Variants in CPE observed in about 807,000 individuals in gnomAD.
CPE encodes the protein carboxypeptidase E.
CPE carries 17 observed loss-of-function variants against 53.5 expected under a neutral mutation model. That is an observed-to-expected ratio of 0.32 (90% CI 0.22 to 0.48). The LOEUF is 0.48. Among genes scored for constraint, CPE ranks in the 20% least tolerant of loss-of-function variants. The pLI is 0.99. For missense variants in CPE, 524 were observed against 614.7 expected, an observed-to-expected ratio of 0.85 and a Z score of 1.56; for synonymous variants, 226 against 228.8, an observed-to-expected ratio of 0.99 and a Z score of 0.11.
chr4:165,424,700 A>AT (rs1032312058), intron 1 of CPE, among the ~76,000 whole-genome samples: 24 of 151,280 alleles, frequency 1.6e-4, no homozygotes, highest in African/African-American at 5.6e-4. Flanking sequence ...CGCCCGGCTA[A>AT]TTTTTTTGTA....
At chr4:165,448,293 A>G (rs1731749854) in intron 1 of CPE, among the ~76,000 whole-genome samples, 2 of 152,220 alleles carry the variant, frequency 1.3e-5, no homozygotes, top group Non-Finnish European at 2.9e-5. Flanking sequence ...GTTACCACTT[A>G]TTGACCGTTA....
intron 1 of CPE, among the ~76,000 whole-genome samples, chr4:165,420,198 T>C (rs1246255422): frequency 6.6e-6 from 1 of 152,174 alleles, no homozygotes; most frequent in Non-Finnish European, 1.5e-5. Flanking sequence ...CTTCATATCA[T>C]GTTATCACTT....
chr4:165,387,243 T>G (rs1407856079), intron 1 of CPE, among the ~76,000 whole-genome samples: 5 of 152,174 alleles, frequency 3.3e-5, no homozygotes, highest in African/African-American at 4.8e-5. Context: ...AAGGGTAGGG[T>G]GGCACATGTG....
chr4:165,493,352 C>T (rs561973521), intron 7 of CPE, 82 bp downstream of exon 7: 26 of 995,046 alleles, frequency 2.6e-5, no homozygotes, highest in Non-Finnish European at 4.0e-5. Context: ...GTCTTATGTT[C>T]TTCTAAGCAA....
At chr4:165,394,812 A>G (rs890108415) in intron 1 of CPE, among the ~76,000 whole-genome samples, 7 of 152,178 alleles carry the variant, frequency 4.6e-5, no homozygotes, top group Non-Finnish European at 1.0e-4. Context: ...CAATTTCTCA[A>G]AGGACTTTAT....
intron 1 of CPE, among the ~76,000 whole-genome samples, chr4:165,438,965 T>C (rs779959645): frequency 3.3e-5 from 5 of 152,184 alleles, no homozygotes; most frequent in African/African-American, 4.8e-5. Flanking sequence ...GAAATGCAGA[T>C]TTGGTGCAAA....
rs193118404 is a variant in CPE at position 165,482,265 on chromosome 4, C to A, written c.696C>A (p.Val232=). ...NTKLAPETKA[V]IHWIMDIPFV... ...AGCTTGCTCCTGAGACCAAGGCTGT[C>A]ATTCATTGGATTATGGATATTCCTT... The change falls in exon 4 of 9, where the codon GTC becomes GTA. Residue 232 remains valine, a synonymous_variant. Transcript: ENST00000402744. 350 of 1,613,520 alleles carry A rather than the reference C, an allele frequency of 2.2e-4. 3 individuals carry two copies. In the East Asian group the frequency reaches 5.8e-3, roughly 27 times the overall value.
In CPE at chr4:165,452,578, G is replaced by A. The variant is rs572625813; in HGVS notation, c.308-11812G>A. On this transcript the variant is annotated intron_variant, in intron 1 of 8. Coordinates refer to ENST00000402744, the MANE Select transcript of CPE (RefSeq NM_001873.4). ...AAATCTTTGTACATTTTTGTGATTT[G>A]TTTTTTGGGTTTTTTTTGCAAATGT... Among the ~76,000 whole-genome samples, 11 of 152,010 alleles carry A rather than the reference G, an allele frequency of 7.2e-5. No homozygotes were observed. In the South Asian group the frequency reaches 1.0e-3, roughly 14 times the overall value.
chr4:165,413,586 C>A (rs970213749), intron 1 of CPE, among the ~76,000 whole-genome samples: 1 of 152,160 alleles, frequency 6.6e-6, no homozygotes, highest in African/African-American at 2.4e-5. Flanking sequence ...AGTTACTTAA[C>A]TTTTCTGAGC....
At chr4:165,485,156 G>C (rs1732486366) in intron 5 of CPE, among the ~76,000 whole-genome samples, 1 of 152,154 alleles carries the variant, frequency 6.6e-6, no homozygotes. Flanking sequence ...TGCCATGTGG[G>C]ACAGCAGCTG....
chr4:165,456,188 CAA>C (rs1237309421), intron 1 of CPE, among the ~76,000 whole-genome samples: 1 of 152,082 alleles, frequency 6.6e-6, no homozygotes. Flanking sequence ...TTATTGCTGA[CAA>C]ATATTTTAGA....
intron 3 of CPE, among the ~76,000 whole-genome samples, chr4:165,478,697 A>G (rs1356589643): frequency 6.6e-6 from 1 of 152,224 alleles, no homozygotes; most frequent in Non-Finnish European, 1.5e-5. Flanking sequence ...ACCTGTAAAT[A>G]TATGGTGCAT....
chr4:165,427,609 T>C (rs1731344044), intron 1 of CPE, among the ~76,000 whole-genome samples: 1 of 152,240 alleles, frequency 6.6e-6, no homozygotes, highest in Non-Finnish European at 1.5e-5. Context: ...TGCATTTTTT[T>C]CCTGAATATT....
chr4:165,429,576 C>T (rs908723125), intron 1 of CPE, among the ~76,000 whole-genome samples: 2 of 151,936 alleles, frequency 1.3e-5, no homozygotes, highest in Non-Finnish European at 2.9e-5. Flanking sequence ...GTGGTGGGCA[C>T]CTGTAGTCCC....
At chr4:165,464,867 C>T (rs1219578096) in intron 2 of CPE, among the ~76,000 whole-genome samples, 1 of 152,112 alleles carries the variant, frequency 6.6e-6, no homozygotes, top group East Asian at 1.9e-4. Context: ...ATTATTCATC[C>T]ATTTTTGTGA....
chr4:165,483,431 A>T (rs571372203), intron 4 of CPE, among the ~76,000 whole-genome samples: 12 of 152,368 alleles, frequency 7.9e-5, no homozygotes, highest in Admixed American at 1.3e-4. Flanking sequence ...TGCTTTTGTG[A>T]ATAGTGCTGC....
At chr4:165,461,910 G>A (rs542802276) in intron 1 of CPE, among the ~76,000 whole-genome samples, 226 of 152,328 alleles carry the variant, frequency 1.5e-3, no homozygotes, top group African/African-American at 5.2e-3. Flanking sequence ...GAAGGAGTTA[G>A]AGATACACTT....
chr4:165,494,221 T>A (rs930038485), intron 7 of CPE, among the ~76,000 whole-genome samples: 1 of 152,110 alleles, frequency 6.6e-6, no homozygotes, highest in Non-Finnish European at 1.5e-5. Context: ...GCTGAGAGGG[T>A]GAAACCCAGC....
chr4:165,447,876 C>G (rs1192988884), intron 1 of CPE, among the ~76,000 whole-genome samples: 1 of 152,040 alleles, frequency 6.6e-6, no homozygotes, highest in Non-Finnish European at 1.5e-5. Context: ...TACACAGGGT[C>G]AGGAACATCA....
Sources: gnomAD v4.1 joint callset for allele counts (sites outside exome capture counted in the v4.1 genomes callset) on GRCh38, gnomAD v4.1.1 for gene constraint, MANE v1.5 for transcripts, NCBI Gene and HGNC (gene_info 2026-07-23, HGNC 2026-07-21) for gene names.